The following CACNB2 variants were observed in gnomAD, a reference collection of about 807,000 sequenced individuals.
The protein encoded by CACNB2 is voltage-dependent L-type calcium channel subunit beta-2.
CACNB2 carries 42 observed loss-of-function variants against 73.3 expected under a neutral mutation model. That is an observed-to-expected ratio of 0.57 (90% CI 0.45 to 0.74). The LOEUF (loss-of-function observed/expected upper bound fraction) is 0.74. Among genes scored for constraint, CACNB2 ranks in the 30% least tolerant of loss-of-function variants. The probability of loss-of-function intolerance (pLI) is 0.00; values close to 1 mark genes in which losing one functional copy is unlikely to be tolerated. For synonymous variants in CACNB2, 348 were observed against 310.3 expected, an observed-to-expected ratio of 1.12 and a Z score of -1.28; for missense variants, 940 against 853.0, an observed-to-expected ratio of 1.10 and a Z score of -1.27.
chr10:18,334,231 A>T (rs1230026399), intron 2 of CACNB2, among the ~76,000 whole-genome samples: 1 of 152,180 alleles, frequency 6.6e-6, no homozygotes, highest in African/African-American at 2.4e-5. Context: ...CAAATGTTCC[A>T]CGGTGTGAAT....
chr10:18,205,358 G>C (rs774278964), intron 2 of CACNB2, among the ~76,000 whole-genome samples: 28 of 152,136 alleles, frequency 1.8e-4, no homozygotes, highest in Non-Finnish European at 3.2e-4. Flanking sequence ...AGTACTAAGC[G>C]CAGCAATTAG....
intron 2 of CACNB2, among the ~76,000 whole-genome samples, chr10:18,194,743 C>T (rs17679683): frequency 0.057 from 8,691 of 152,184 alleles, 297 homozygotes; most frequent in East Asian, 0.13. Context: ...CCAGATTCAA[C>T]CTTATCTTTG....
Position 18,461,885 on chromosome 10 carries a change from T to C in CACNB2, c.334-36470T>C, listed in dbSNP as rs139687869. Among the ~76,000 whole-genome samples the C allele has an allele frequency of 1.3e-3, 197 of 151,734 alleles. 1 individual carries two copies. Among genetic ancestry groups the C allele is most frequent in the African/African-American group, 4.5e-3 (184 of 41,322 alleles). ...TCCTTTGGCACTCGAGGAGGGAGTT[T>C]ATCCAGTATCTGATAAGACATAGCT... On this transcript the variant is annotated intron_variant, in intron 3 of 13. Coordinates refer to ENST00000324631, the MANE Select transcript of CACNB2 (RefSeq NM_201596.3).
intron 3 of CACNB2, among the ~76,000 whole-genome samples, chr10:18,438,841 A>G (rs1029989970): frequency 2.0e-5 from 3 of 152,308 alleles, no homozygotes; most frequent in Non-Finnish European, 4.4e-5. Flanking sequence ...CTCATGTGAC[A>G]TGTTTTTATG....
intron 2 of CACNB2, among the ~76,000 whole-genome samples, chr10:18,251,345 A>G (rs2131554012): frequency 6.6e-6 from 1 of 152,066 alleles, no homozygotes; most frequent in East Asian, 1.9e-4. Context: ...CCTGGGTTCA[A>G]GTGATTCTCC....
chr10:18,372,819 C>T (rs1242721293), intron 2 of CACNB2, among the ~76,000 whole-genome samples: 1 of 152,128 alleles, frequency 6.6e-6, no homozygotes, highest in African/African-American at 2.4e-5. Flanking sequence ...TTTGTAAGGT[C>T]GCTGAAGACC....
At chr10:18,448,716 G>A (rs1367344385) in intron 3 of CACNB2, among the ~76,000 whole-genome samples, 1 of 152,146 alleles carries the variant, frequency 6.6e-6, no homozygotes, top group Non-Finnish European at 1.5e-5. Context: ...CCAGAGAAGG[G>A]AAAAATGTAG....
chr10:18,347,746 T>C (rs2041527905), intron 2 of CACNB2, among the ~76,000 whole-genome samples: 1 of 152,196 alleles, frequency 6.6e-6, no homozygotes, highest in African/African-American at 2.4e-5. Context: ...CTTGAGACCA[T>C]GTTTCTAACA....
chr10:18,353,410 C>CAA (rs35014370), intron 2 of CACNB2, among the ~76,000 whole-genome samples: 3 of 141,262 alleles, frequency 2.1e-5, no homozygotes, highest in Non-Finnish European at 4.7e-5. Flanking sequence ...ACTCTGTCTC[C>CAA]AAAAAAAAAA....
intron 5 of CACNB2, among the ~76,000 whole-genome samples, chr10:18,505,693 C>T (rs1224752071): frequency 6.6e-6 from 1 of 152,106 alleles, no homozygotes; most frequent in Non-Finnish European, 1.5e-5. Flanking sequence ...AGGGGTCATT[C>T]GGTAACACGT....
chr10:18,404,503 T>TA (rs1274062703), intron 3 of CACNB2, among the ~76,000 whole-genome samples: 1 of 152,224 alleles, frequency 6.6e-6, no homozygotes, highest in Non-Finnish European at 1.5e-5. Flanking sequence ...TTTAAATAGT[T>TA]AAAAACACTT....
chr10:18,235,845 T>A (rs2036419779), intron 2 of CACNB2, among the ~76,000 whole-genome samples: 1 of 152,084 alleles, frequency 6.6e-6, no homozygotes, highest in Non-Finnish European at 1.5e-5. Context: ...GTAATCCCCA[T>A]GTTGGAGGAG....
intron 2 of CACNB2, 179 bp downstream of exon 2, chr10:18,151,154 G>A (rs891019726): frequency 3.3e-5 from 18 of 547,528 alleles, no homozygotes; most frequent in Middle Eastern, 4.9e-4. Context: ...GTGAGACTAA[G>A]TAATAATTAC....
At chr10:18,184,649 GTTTTTTTTTTTTT>G (rs201899870) in intron 2 of CACNB2, among the ~76,000 whole-genome samples, 1 of 87,780 alleles carries the variant, frequency 1.1e-5, no homozygotes, top group African/African-American at 4.7e-5. Context: ...CTCAGACTTT[GTTTTTTTTTTTTT>G]TTTTTTTTTT....
At position 18,539,569 on chromosome 10, in the gene CACNB2, C is replaced by T. The variant is rs545095722; in HGVS notation, c.1828C>T (p.Arg610Trp). 19 of 1,613,630 alleles carry T rather than the reference C, an allele frequency of 1.2e-5. No individual in the cohort carries two copies. Among genetic ancestry groups the T allele is most frequent in the Admixed American group, 1.7e-5 (1 of 59,964 alleles). Residue 610 changes from arginine (R) to tryptophan (W), a missense_variant, in exon 14 of 14, where the codon CGG (arginine) becomes TGG (tryptophan). Arg to Trp is a moderately radical substitution (Grantham distance 101). Coordinates refer to ENST00000324631, the MANE Select transcript of CACNB2 (RefSeq NM_201596.3). ...HRHRESRHRS[R>W]DVDREQDHNE... ...ACACAGGGAGTCCCGGCACCGTTCC[C>T]GGGACGTGGATCGAGAGCAGGACCA...
chr10:18,285,151 T>C (rs1390539245), intron 2 of CACNB2, among the ~76,000 whole-genome samples: 1 of 152,130 alleles, frequency 6.6e-6, no homozygotes, highest in Non-Finnish European at 1.5e-5. Context: ...GATGCACCTC[T>C]CCCAACCCAT....
rs528400751 is a variant in CACNB2, at chr10:18,239,865, A to G, written c.213+88890A>G. Among the ~76,000 whole-genome samples, 6 of 152,266 alleles carry G rather than the reference A, an allele frequency of 3.9e-5. No individual in the cohort carries two copies. In the East Asian group the frequency reaches 5.8e-4, roughly 15 times the overall value. On this transcript the variant is annotated intron_variant, in intron 2 of 13. Coordinates refer to ENST00000324631, the MANE Select transcript of CACNB2 (RefSeq NM_201596.3). ...GCACTAAATGCTTTTATTTGTTTCA[A>G]ATAAGAGCTTGTGAAATCCAAGTCC... is the stretch of plus-strand genomic sequence containing the variant.
At chr10:18,303,419 C>T (rs551670902) in intron 2 of CACNB2, among the ~76,000 whole-genome samples, 8 of 152,084 alleles carry the variant, frequency 5.3e-5, no homozygotes, top group South Asian at 2.1e-4. Context: ...ATAGAAGGCT[C>T]GCTTGAGCCC....
chr10:18,218,349 C>A (rs542217527), intron 2 of CACNB2, among the ~76,000 whole-genome samples: 1 of 152,220 alleles, frequency 6.6e-6, no homozygotes, highest in African/African-American at 2.4e-5. Context: ...TTATTGATTG[C>A]CATCACTGAA....
Sources: allele counts gnomAD v4.1 joint callset (sites outside exome capture counted in the v4.1 genomes callset), GRCh38; gene constraint gnomAD v4.1.1; transcripts MANE v1.5; gene names NCBI Gene and HGNC (gene_info 2026-07-23, HGNC 2026-07-21).